Variants in CP observed in about 807,000 individuals in gnomAD.
CP encodes caeruloplasmin.
Under a neutral mutation model 122.4 loss-of-function variants are expected in CP, and 64 were observed. That is an observed-to-expected ratio of 0.52 (90% CI 0.43 to 0.64). The LOEUF (loss-of-function observed/expected upper bound fraction) is 0.64. Among genes scored for constraint, CP ranks in the 30% least tolerant of loss-of-function variants. CP has a pLI of 0.00. For missense variants in CP, 1,167 were observed against 1,284.4 expected (o/e 0.91, Z 1.40); for synonymous variants, 440 against 436.4 (o/e 1.01, Z -0.10).
Position 149,209,281 on chromosome 3 carries a change from T to A in CP, c.711A>T (p.Lys237Asn), listed in dbSNP as rs780281724. Reference sequence around the variant, plus strand: ...CTTTCTCTGGTTCTGAGCAGTAGGTTTTAATGTTGTCTTCTAGGTACCAGC... The same window carrying A: ...CTTTCTCTGGTTCTGAGCAGTAGGTATTAATGTTGTCTTCTAGGTACCAGC... ...NFSWYLEDNI[K>N]TYCSEPEKVD... is the part of the protein sequence containing the mutation. Residue 237 changes from lysine to asparagine, a missense_variant, in exon 4 of 19, where the codon AAA (lysine) becomes AAT (asparagine). This residue lies in a region of CP where 642 missense variants were observed against 627.3 expected (regional missense o/e 1.02). Transcript: ENST00000264613. 5.0e-6 allele frequency: 8 copies of A among 1,613,822 alleles called. No homozygotes were observed. The highest frequency in any genetic ancestry group is 1.1e-5 in the South Asian group (1 of 91,058).
intron 17 of CP, 69 bp downstream of exon 17, chr3:149,177,771 A>G (rs759028118): frequency 1.4e-5 from 21 of 1,542,496 alleles, no homozygotes. Context: ...TCTCTGAGAA[A>G]ATATTTTCTT....
chr3:149,165,712 C>T (rs1445916154), intron 5 of CP, among the ~76,000 whole-genome samples: 1 of 152,126 alleles, frequency 6.6e-6, no homozygotes, highest in Non-Finnish European at 1.5e-5. Context: ...GTTATGACTA[C>T]TTTCATTTCA....
rs373521919 is a variant in CP at position 149,198,676 on chromosome 3, T to C, written c.1502-98A>G. 166 of 980,526 alleles carry C rather than the reference T, an allele frequency of 1.7e-4. 1 individual carries two copies. In the African/African-American group the frequency reaches 2.4e-3, roughly 14 times the overall value. 60.7% of individuals were successfully genotyped at this position (980,526 alleles called of 1,614,324 possible). A position where few individuals can be genotyped will look rare whatever the true frequency, so the allele number is the denominator to read the frequency against. On this transcript the variant is annotated intron_variant, in intron 8 of 18. Transcript: ENST00000264613. ...AGTTTAGTCTAGAATAGCCCACTTCTGAGTTCTTTGTTATAAATTAGAATG... is the reference window on the plus strand; with the variant it reads ...AGTTTAGTCTAGAATAGCCCACTTCCGAGTTCTTTGTTATAAATTAGAATG...
At chr3:149,194,382 A>G (rs1268155112) in intron 9 of CP, among the ~76,000 whole-genome samples, 11 of 151,802 alleles carry the variant, frequency 7.2e-5, no homozygotes, top group Non-Finnish European at 1.5e-4. Flanking sequence ...GGGATTACAG[A>G]CATGCACCAG....
intron 14 of CP, among the ~76,000 whole-genome samples, chr3:149,181,714 T>C (rs1725787694): frequency 6.6e-6 from 1 of 152,188 alleles, no homozygotes; most frequent in Non-Finnish European, 1.5e-5. Flanking sequence ...TAGATGCCAT[T>C]TGAGCTGTGT....
intron 7 of CP, chr3:149,200,102 G>A (rs1727198552): frequency 2.0e-6 from 1 of 511,946 alleles, no homozygotes; most frequent in African/African-American, 1.9e-5. Flanking sequence ...TATCATTTTT[G>A]TACAAGTCAG....
intron 3 of CP, 64 bp from the exon 4 acceptor site, chr3:149,209,448 C>A: frequency 6.7e-7 from 1 of 1,493,446 alleles, no homozygotes; most frequent in Non-Finnish European, 9.2e-7. Flanking sequence ...TTTATGTTTT[C>A]AGGTGATTTA....
In CP at chr3:149,181,979, A is replaced by AC. The variant is rs553452605; in HGVS notation, c.2554+25dup. ...GCTGTACAGCCTGTTAAAATGCACCACCCCCACCCCCGCCCCCGTGAGTAC... is the reference window on the plus strand; with the variant it reads ...GCTGTACAGCCTGTTAAAATGCACCACCCCCCACCCCCGCCCCCGTGAGTAC... On this transcript the variant is annotated intron_variant, in intron 14 of 18. Coordinates refer to ENST00000264613, the MANE Select transcript of CP (RefSeq NM_000096.4). 130 of 518,106 alleles carry AC rather than the reference A, an allele frequency of 2.5e-4. No individual in the cohort carries two copies. The African/African-American group carries it at 2.7e-3, about 11-fold the overall frequency. 32.1% of individuals were successfully genotyped at this position (518,106 alleles called of 1,614,324 possible). A position where few individuals can be genotyped will look rare whatever the true frequency, so the allele number is the denominator to read the frequency against.
intron 14 of CP, among the ~76,000 whole-genome samples, chr3:149,181,130 G>A (rs923734909): frequency 6.6e-6 from 1 of 152,062 alleles, no homozygotes; most frequent in Admixed American, 6.6e-5. Context: ...CTTAAAAGGT[G>A]TCCATCAGAA....
rs1402516234 is a variant in CP, at chr3:149,207,561, T to G, written c.838A>C (p.Arg280=). Residue 280 remains arginine (R), a synonymous_variant, in exon 5 of 19, where the codon AGA becomes CGA. Coordinates refer to ENST00000264613, the MANE Select transcript of CP (RefSeq NM_000096.4). ...ATACCAAAAAGGTACCATTTTACTC[T>G]GTCTTCAGCACACATGGAGAGTCCT... ...LPGLSMCAED[R]VKWYLFGMGN... is the part of the protein sequence containing the mutation. The G allele has an allele frequency of 2.5e-6, 4 of 1,614,024 alleles. No homozygotes were observed. Among genetic ancestry groups the G allele is most frequent in the Non-Finnish European group, 3.4e-6 (4 of 1,179,858 alleles).
chr3:149,170,973 C>A (rs542652626), downstream of CP, among the ~76,000 whole-genome samples: 118 of 152,122 alleles, frequency 7.8e-4, no homozygotes, highest in Non-Finnish European at 1.4e-3. Flanking sequence ...ATGTTACATT[C>A]CTTAATATTT....
intron 4 of CP, chr3:149,167,169 G>C (rs1724507942): frequency 6.2e-7 from 1 of 1,613,298 alleles, no homozygotes; most frequent in South Asian, 1.1e-5. Context: ...ACAGTGCATA[G>C]ACATACTGTT....
downstream of CP, chr3:149,167,857 A>G: frequency 7.9e-7 from 1 of 1,261,304 alleles, no homozygotes; most frequent in Middle Eastern, 1.9e-4. Flanking sequence ...AATAAAATGC[A>G]TCAAACTAAA....
intron 17 of CP, among the ~76,000 whole-genome samples, chr3:149,177,047 A>T (rs961231854): frequency 8.5e-5 from 13 of 152,306 alleles, no homozygotes; most frequent in Non-Finnish European, 1.3e-4. Flanking sequence ...AAGCATAAGG[A>T]AAAAGCATTT....
At chr3:149,203,035 T>C (rs1469883579) in intron 6 of CP, among the ~76,000 whole-genome samples, 1 of 149,012 alleles carries the variant, frequency 6.7e-6, no homozygotes, top group African/African-American at 2.5e-5. Flanking sequence ...GCCTCCCGAG[T>C]AGCTGGGACT....
chr3:149,176,082 T>G, intron 18 of CP, 168 bp downstream of exon 18: 1 of 650,462 alleles, frequency 1.5e-6, no homozygotes, highest in Admixed American at 2.5e-5. Context: ...CCCTCACCAT[T>G]TAGCAGGAAA....
chr3:149,169,038 C>CGTGTGTGTGTGT (rs34076994), downstream of CP, among the ~76,000 whole-genome samples: 2,306 of 149,800 alleles, frequency 0.015, 54 homozygotes, highest in African/African-American at 0.053. Context: ...TGTGTGCATA[C>CGTGTGTGTGTGT]GTGTGTGTGT....
chr3:149,210,144 T>A lies in CP; in HGVS notation c.607+23A>T, dbSNP rs773993033. The A allele has an allele frequency of 1.4e-5, 22 of 1,608,726 alleles. No homozygotes were observed. The South Asian group carries it at 2.4e-4, about 18-fold the overall frequency. On this transcript the variant is annotated intron_variant, in intron 3 of 18. Transcript: ENST00000264613. ...GCCCCTGTCTTTTGGTCATATAGCATGTGCAATAAGGAGAAGATGTACCTT... is the reference window on the plus strand; with the variant it reads ...GCCCCTGTCTTTTGGTCATATAGCAAGTGCAATAAGGAGAAGATGTACCTT...
intron 13 of CP, 122 bp from the exon 14 acceptor site, chr3:149,182,255 T>C: frequency 9.3e-7 from 1 of 1,077,378 alleles, no homozygotes; most frequent in Admixed American, 1.9e-5. Flanking sequence ...CTCTTGGATT[T>C]ATACTGCGTC....
Sources: allele counts gnomAD v4.1 joint callset (sites outside exome capture counted in the v4.1 genomes callset), GRCh38; gene constraint gnomAD v4.1.1; regional missense constraint gnomAD v4.1.1; transcripts MANE v1.5; gene names NCBI Gene and HGNC (gene_info 2026-07-23, HGNC 2026-07-21).